Variants in MAF observed in about 807,000 individuals in gnomAD.
MAF encodes the protein transcription factor Maf.
MAF carries 10 observed loss-of-function variants against 22.0 expected under a neutral mutation model. The ratio of observed to expected loss-of-function variants is 0.45; its 90% CI spans 0.28 to 0.77. The LOEUF (loss-of-function observed/expected upper bound fraction) is 0.77, where lower values mean the gene tolerates loss of function less well. MAF is among the 30% of genes least tolerant of loss of function. The probability of loss-of-function intolerance (pLI) is 0.12; values close to 1 mark genes in which losing one functional copy is unlikely to be tolerated. For missense variants in MAF, 544 were observed against 548.4 expected (o/e 0.99, Z 0.08); for synonymous variants, 337 against 255.8 (o/e 1.32, Z -3.03).
At chr16:79,338,944 T>C in the MAF span, among the ~76,000 whole-genome samples, 1 of 152,230 alleles carries the variant, frequency 6.6e-6, no homozygotes, top group Non-Finnish European at 1.5e-5. Context: ...AAGGGACACA[T>C]TCATCAGTCC....
the MAF span, among the ~76,000 whole-genome samples, chr16:79,371,859 T>C: frequency 6.6e-6 from 1 of 152,226 alleles, no homozygotes; most frequent in Non-Finnish European, 1.5e-5. Flanking sequence ...CACATCCTGA[T>C]CTTGGGCAGA....
chr16:79,240,500 AAAAAAAAAAAAAAAAAAAAAAAAAAAG>A, the MAF span, among the ~76,000 whole-genome samples: 1 of 90,132 alleles, frequency 1.1e-5, no homozygotes, highest in African/African-American at 1.6e-4. Flanking sequence ...AAAAAAAAAA[AAAAAAAAAAAAAAAAAAAAAAAAAAAG>A]GGCAGCAGCC....
the MAF span, among the ~76,000 whole-genome samples, chr16:79,535,683 G>A: frequency 6.7e-6 from 1 of 148,554 alleles, no homozygotes; most frequent in African/African-American, 2.5e-5. Flanking sequence ...CTGCCTCCTG[G>A]GTTCAAGCAG....
the MAF span, among the ~76,000 whole-genome samples, chr16:79,558,988 A>T: frequency 6.6e-6 from 1 of 152,192 alleles, no homozygotes; most frequent in South Asian, 2.1e-4. Flanking sequence ...CAACAGAAAC[A>T]CTACAAAACC....
the MAF span, among the ~76,000 whole-genome samples, chr16:79,328,973 C>G: frequency 1.3e-5 from 2 of 152,162 alleles, no homozygotes; most frequent in Admixed American, 6.5e-5. Flanking sequence ...CTGTCTTTAG[C>G]TCTTCCTAAT....
At chr16:79,423,280 G>A in the MAF span, among the ~76,000 whole-genome samples, 19 of 152,132 alleles carry the variant, frequency 1.2e-4, no homozygotes, top group Admixed American at 1.1e-3. Context: ...GTTCTAGGGA[G>A]AGGGCTCAGC....
the MAF span, among the ~76,000 whole-genome samples, chr16:79,247,684 G>A: frequency 0.019 from 2,927 of 152,130 alleles, 97 homozygotes; most frequent in African/African-American, 0.066. Context: ...AGCTGCAGCC[G>A]GAACAAAGGC....
chr16:79,401,196 G>A, the MAF span, among the ~76,000 whole-genome samples: 19 of 152,206 alleles, frequency 1.2e-4, no homozygotes, highest in African/African-American at 1.7e-4. Flanking sequence ...ATTCTCCCGC[G>A]TGGATTTCTT....
chr16:79,295,971 G>A, the MAF span, among the ~76,000 whole-genome samples: 5 of 152,174 alleles, frequency 3.3e-5, no homozygotes, highest in Admixed American at 6.5e-5. Context: ...CACCTCCTGC[G>A]GTCTGTAAGC....
the MAF span, among the ~76,000 whole-genome samples, chr16:79,401,889 C>T: frequency 6.6e-6 from 1 of 152,132 alleles, no homozygotes; most frequent in Non-Finnish European, 1.5e-5. Flanking sequence ...GCCCTGGCTC[C>T]AGGCCTGCCG....
At chr16:79,524,337 G>T in the MAF span, among the ~76,000 whole-genome samples, 1 of 152,146 alleles carries the variant, frequency 6.6e-6, no homozygotes, top group East Asian at 1.9e-4. Context: ...TAAGGATAAC[G>T]CCTTCCTCTG....
chr16:79,222,489 C>G, the MAF span, among the ~76,000 whole-genome samples: 1 of 151,626 alleles, frequency 6.6e-6, no homozygotes, highest in African/African-American at 2.4e-5. Flanking sequence ...ACATAACAAC[C>G]CTAAAACTTA....
At chr16:79,255,918 G>A in the MAF span, among the ~76,000 whole-genome samples, 47 of 151,146 alleles carry the variant, frequency 3.1e-4, no homozygotes, top group Non-Finnish European at 5.2e-4. Flanking sequence ...AACACTGAAA[G>A]CTATTATTGT....
At chr16:79,216,683 G>C in the MAF span, among the ~76,000 whole-genome samples, 1 of 152,030 alleles carries the variant, frequency 6.6e-6, no homozygotes, top group South Asian at 2.1e-4. Context: ...ATGCATTTTT[G>C]ACTTATATTT....
chr16:79,404,152 C>T, the MAF span, among the ~76,000 whole-genome samples: 1 of 148,636 alleles, frequency 6.7e-6, no homozygotes, highest in East Asian at 2.0e-4. Flanking sequence ...TGCATTTTAC[C>T]GTCTGGATTT....
chr16:79,480,536 G>A, the MAF span, among the ~76,000 whole-genome samples: 2 of 152,108 alleles, frequency 1.3e-5, no homozygotes, highest in African/African-American at 4.8e-5. Context: ...GGCCATTCGA[G>A]CTGGGCTTCC....
the MAF span, among the ~76,000 whole-genome samples, chr16:79,520,396 G>T: frequency 1.3e-5 from 2 of 152,044 alleles, no homozygotes; most frequent in African/African-American, 4.8e-5. Context: ...ATCACCAGGA[G>T]CTGGCCCCAT....
At chr16:79,449,841 A>T in the MAF span, among the ~76,000 whole-genome samples, 1 of 152,260 alleles carries the variant, frequency 6.6e-6, no homozygotes, top group Non-Finnish European at 1.5e-5. Flanking sequence ...GAAGAGGTTC[A>T]AGATTAGATC....
chr16:79,360,925 G>A, the MAF span, among the ~76,000 whole-genome samples: 1 of 152,172 alleles, frequency 6.6e-6, no homozygotes, highest in Admixed American at 6.5e-5. Context: ...CAGGGACTTT[G>A]TGTTGTTAGC....
Sources: allele counts gnomAD v4.1 joint callset (sites outside exome capture counted in the v4.1 genomes callset), GRCh38; gene constraint gnomAD v4.1.1; transcripts MANE v1.5; gene names NCBI Gene and HGNC (gene_info 2026-07-23, HGNC 2026-07-21).